UGT8: variants seen among roughly 807,000 people sequenced by gnomAD.
UGT8 encodes the protein UDP glycosyltransferase 8.
UGT8 carries 12 observed loss-of-function variants against 40.5 expected under a neutral mutation model. That is an observed-to-expected ratio of 0.30 (90% CI 0.19 to 0.48). The LOEUF (loss-of-function observed/expected upper bound fraction) is 0.48. Among genes scored for constraint, UGT8 ranks in the 20% least tolerant of loss-of-function variants. The probability of loss-of-function intolerance (pLI) is 0.99; values close to 1 mark genes in which losing one functional copy is unlikely to be tolerated. For synonymous variants in UGT8, 224 were observed against 240.4 expected, an observed-to-expected ratio of 0.93 and a Z score of 0.63; for missense variants, 513 against 648.7, an observed-to-expected ratio of 0.79 and a Z score of 2.27.
chr4:114,603,665 G>A (rs1302134089), intron 1 of UGT8, among the ~76,000 whole-genome samples: 1 of 152,192 alleles, frequency 6.6e-6, no homozygotes, highest in East Asian at 1.9e-4. Flanking sequence ...CTCGAGCCCC[G>A]AATAGCTCTG....
intron 1 of UGT8, among the ~76,000 whole-genome samples, chr4:114,608,587 T>G (rs982192981): frequency 3.9e-5 from 6 of 152,128 alleles, no homozygotes; most frequent in Non-Finnish European, 7.4e-5. Flanking sequence ...GCTACATTAT[T>G]TAGTCACAAT....
intron 1 of UGT8, among the ~76,000 whole-genome samples, chr4:114,613,881 T>TTAGG (rs1376511760): frequency 6.6e-6 from 1 of 152,192 alleles, no homozygotes; most frequent in Non-Finnish European, 1.5e-5. Context: ...AACAACTTCA[T>TTAGG]TAGGTGATTA....
chr4:114,662,485 T>C (rs1437387302), intron 2 of UGT8, among the ~76,000 whole-genome samples: 3 of 152,212 alleles, frequency 2.0e-5, no homozygotes, highest in Admixed American at 2.0e-4. Flanking sequence ...ATTATCTGTA[T>C]TTATAAATAG....
chr4:114,643,505 A>G (rs1411812316), intron 2 of UGT8, among the ~76,000 whole-genome samples: 10 of 152,180 alleles, frequency 6.6e-5, no homozygotes, highest in Non-Finnish European at 5.9e-5. Flanking sequence ...TGAAGCTAAT[A>G]CTAGTTAACC....
chr4:114,611,528 C>CATATAT (rs34223454), intron 1 of UGT8, among the ~76,000 whole-genome samples: 20 of 43,304 alleles, frequency 4.6e-4, no homozygotes, highest in Admixed American at 1.5e-3. Context: ...CGTATATATC[C>CATATAT]ATATATATAT....
At chr4:114,640,717 A>G (rs13115816) in intron 2 of UGT8, among the ~76,000 whole-genome samples, 133,800 of 152,168 alleles carry the variant, frequency 0.88, 60,571 homozygotes, top group East Asian at 1. Flanking sequence ...CACATCTTAC[A>G]TGAATGGTGG....
intron 1 of UGT8, among the ~76,000 whole-genome samples, chr4:114,599,902 A>G (rs1238592296): frequency 6.6e-6 from 1 of 152,126 alleles, no homozygotes; most frequent in Non-Finnish European, 1.5e-5. Context: ...ATCTCTATAT[A>G]CAAGCTTTCT....
chr4:114,627,625 T>G (rs966497122), intron 2 of UGT8, among the ~76,000 whole-genome samples: 2 of 152,220 alleles, frequency 1.3e-5, no homozygotes, highest in African/African-American at 4.8e-5. Context: ...ATTTTAATTT[T>G]TATTAATTTT....
At chr4:114,634,422 C>A (rs185415600) in intron 2 of UGT8, among the ~76,000 whole-genome samples, 1 of 152,012 alleles carries the variant, frequency 6.6e-6, no homozygotes, top group East Asian at 1.9e-4. Flanking sequence ...AGTGGCTTAT[C>A]GACTCTCCAA....
At position 114,677,933 on chromosome 4, in the gene UGT8, T is replaced by C. The variant is rs534268447; in HGVS notation, c.*1645T>C. On this transcript the variant is annotated 3_prime_UTR_variant, in exon 6 of 6. Coordinates refer to ENST00000310836, the MANE Select transcript of UGT8 (RefSeq NM_001128174.3). ...TAATGTCACAAGTAGTTTTCTAATG[T>C]ACAATGCAGACAAATGTACTGCTCT... The C allele has an allele frequency of 6.8e-4, 103 of 152,342 alleles. No individual in the cohort carries two copies. Among genetic ancestry groups the C allele is most frequent in the Non-Finnish European group, 1.5e-4 (10 of 68,042 alleles). 9.4% of individuals were successfully genotyped at this position (152,342 alleles called of 1,614,324 possible).
chr4:114,609,086 A>G (rs1276994035), intron 1 of UGT8, among the ~76,000 whole-genome samples: 1 of 152,146 alleles, frequency 6.6e-6, no homozygotes, highest in African/African-American at 2.4e-5. Context: ...ATATATTTTA[A>G]GCCAGGTGAA....
chr4:114,671,238 A>G (rs533949479), intron 5 of UGT8, among the ~76,000 whole-genome samples: 4 of 152,346 alleles, frequency 2.6e-5, no homozygotes, highest in South Asian at 4.1e-4. Context: ...TGCCCAAAGT[A>G]ATTTATAGAT....
intron 2 of UGT8, among the ~76,000 whole-genome samples, chr4:114,647,230 A>G (rs1733624517): frequency 6.6e-6 from 1 of 152,110 alleles, no homozygotes; most frequent in South Asian, 2.1e-4. Flanking sequence ...GAGGATCTAT[A>G]GTAATAATTT....
chr4:114,611,733 A>G (rs1248994766), intron 1 of UGT8, among the ~76,000 whole-genome samples: 1 of 151,686 alleles, frequency 6.6e-6, no homozygotes, highest in African/African-American at 2.4e-5. Flanking sequence ...AAAATGAGGT[A>G]TGTGATCAAG....
chr4:114,622,832 G>A, intron 1 of UGT8, 47 bp from the exon 2 acceptor site: 1 of 1,494,976 alleles, frequency 6.7e-7, no homozygotes, highest in Non-Finnish European at 9.1e-7. Flanking sequence ...GTTTTGAATG[G>A]TGAGCATTGT....
At chr4:114,630,003 G>T (rs1387188176) in intron 2 of UGT8, among the ~76,000 whole-genome samples, 2 of 152,044 alleles carry the variant, frequency 1.3e-5, no homozygotes, top group Admixed American at 1.3e-4. Flanking sequence ...AATTACTGTT[G>T]ACACCAGTTT....
At chr4:114,637,914 TAA>T (rs368115337) in intron 2 of UGT8, among the ~76,000 whole-genome samples, 2 of 152,308 alleles carry the variant, frequency 1.3e-5, no homozygotes, top group African/African-American at 4.8e-5. Flanking sequence ...ATTTGCAAAA[TAA>T]AGAGTTTGGG....
Position 114,650,755 on chromosome 4 carries a change from G to A in UGT8, c.823-13240G>A, listed in dbSNP as rs73849516. Among the ~76,000 whole-genome samples, 743 of 152,070 alleles carry A rather than the reference G, an allele frequency of 4.9e-3. 7 individuals carry two copies. The highest frequency in any genetic ancestry group is 0.017 in the African/African-American group (707 of 41,488). On this transcript the variant is annotated intron_variant, in intron 2 of 5. Transcript: ENST00000310836. Reference sequence around the variant, plus strand: ...ATCCAGAAGAACTCATAAATTCAGGGCTTTGTTTAAAAACAACAACAACAA... The same window carrying A: ...ATCCAGAAGAACTCATAAATTCAGGACTTTGTTTAAAAACAACAACAACAA...
At chr4:114,656,896 C>A (rs749716550) in intron 2 of UGT8, 3 of 464,318 alleles carry the variant, frequency 6.5e-6, no homozygotes, top group South Asian at 4.9e-5. Context: ...TCTCTGAAGA[C>A]AGAACATTTT....
Sources: allele counts gnomAD v4.1 joint callset (sites outside exome capture counted in the v4.1 genomes callset), GRCh38; gene constraint gnomAD v4.1.1; transcripts MANE v1.5; gene names NCBI Gene and HGNC (gene_info 2026-07-23, HGNC 2026-07-21).